The following MALT1 variants were observed in gnomAD, a reference collection of about 807,000 sequenced individuals.
MALT1 encodes mucosa-associated lymphoid tissue lymphoma translocation protein 1.
A neutral mutation model predicts 85.5 loss-of-function variants in MALT1; 36 were observed. That is an observed-to-expected ratio of 0.42 (90% CI 0.32 to 0.56). The LOEUF is 0.56. Ranked by LOEUF, MALT1 falls within the 20% of genes least tolerant of loss-of-function variation. The pLI, the probability that MALT1 is intolerant of heterozygous loss-of-function variation, is 0.10. For missense variants in MALT1, 716 were observed against 981.6 expected (o/e 0.73, Z 3.62); for synonymous variants, 359 against 361.3 (o/e 0.99, Z 0.07).
rs1377389415 is a variant in MALT1, at chr18:58,700,460, CAG to C, written c.521_522del (p.Glu174AlafsTer4). 1 of 1,602,274 alleles carries C rather than the reference CAG, an allele frequency of 6.2e-7. No homozygotes were observed. The highest frequency in any genetic ancestry group is 1.1e-5 in the South Asian group (1 of 88,148). ...TCACAGATTCCAAATGGAAATACAT[CAG>C]AGCTTATTTTTAATGCAGTGCATGT... On this transcript the variant is annotated frameshift_variant, in exon 4 of 17. Coordinates refer to ENST00000649217, the MANE Select transcript of MALT1 (RefSeq NM_006785.4). LOFTEE classifies it high-confidence loss of function.
rs1237955617 is a variant in MALT1 at position 58,701,109 on chromosome 18, C to T, written c.649+518C>T. Among the ~76,000 whole-genome samples the T allele has an allele frequency of 2.7e-5, 4 of 150,734 alleles. No homozygotes were observed. The East Asian group carries it at 7.9e-4, about 30-fold the overall frequency. On this transcript the variant is annotated intron_variant, in intron 4 of 16. Transcript: ENST00000649217. ...TGCCCGGCCTGCTTTAATTGTCCTTCTGTGTGTGTGCGCGCACGTTCACAC... is the reference window on the plus strand; with the variant it reads ...TGCCCGGCCTGCTTTAATTGTCCTTTTGTGTGTGTGCGCGCACGTTCACAC...
chr18:58,732,290 G>A (rs1177150762), intron 10 of MALT1, among the ~76,000 whole-genome samples: 1 of 152,132 alleles, frequency 6.6e-6, no homozygotes, highest in Non-Finnish European at 1.5e-5. Context: ...AGTTCAGACT[G>A]ATATTTTTGT....
At chr18:58,677,444 C>T (rs2054257886) in intron 1 of MALT1, 2 of 152,124 alleles carry the variant, frequency 1.3e-5, no homozygotes, top group South Asian at 2.1e-4. Context: ...TACAGCATCC[C>T]TATTTTTACA....
intron 1 of MALT1, among the ~76,000 whole-genome samples, chr18:58,674,622 A>T (rs956805557): frequency 6.6e-6 from 1 of 152,176 alleles, no homozygotes; most frequent in African/African-American, 2.4e-5. Flanking sequence ...TCAGCTGGGG[A>T]TGCTTACTCT....
chr18:58,744,591 AAT>A (rs914998742), intron 15 of MALT1, 96 bp downstream of exon 15: 7 of 535,974 alleles, frequency 1.3e-5, no homozygotes, highest in African/African-American at 1.2e-4. Context: ...ATATAAAGGA[AAT>A]ATATATATTT....
At chr18:58,735,084 TA>T in intron 12 of MALT1, 117 bp from the exon 13 acceptor site, 1 of 829,754 alleles carries the variant, frequency 1.2e-6, no homozygotes. Context: ...CAGCCTCTGG[TA>T]ACCACCATTC....
At chr18:58,702,977 T>G (rs1335329398) in intron 4 of MALT1, among the ~76,000 whole-genome samples, 1 of 152,198 alleles carries the variant, frequency 6.6e-6, no homozygotes, top group Non-Finnish European at 1.5e-5. Context: ...GGAAAACACT[T>G]TTTGTTAAAA....
intron 7 of MALT1, among the ~76,000 whole-genome samples, chr18:58,712,526 T>C (rs1236685515): frequency 6.6e-6 from 1 of 152,116 alleles, no homozygotes; most frequent in East Asian, 1.9e-4. Context: ...AGAGAGTAGA[T>C]TGAGACTGGC....
chr18:58,675,396 G>A (rs980775225), intron 1 of MALT1: 13 of 152,130 alleles, frequency 8.5e-5, no homozygotes, highest in African/African-American at 3.1e-4. Context: ...CGTGTAAAAG[G>A]CTCTAACAGA....
At chr18:58,715,802 T>C in intron 8 of MALT1, 133 bp from the exon 9 acceptor site, 1 of 693,754 alleles carries the variant, frequency 1.4e-6, no homozygotes, top group East Asian at 2.7e-5. Context: ...TCAAGAGTGT[T>C]TTTATTAAAA....
rs1297362047 is a variant in MALT1 at position 58,752,967 on chromosome 18, G to A, written c.*5125G>A. The stretch of plus-strand genomic sequence containing the variant: ...TCAGGTTTCAGCCCTTACTAATAGC[G>A]TGGCTCAAAGAGCGTTAACTTGCCT... On this transcript the variant is annotated 3_prime_UTR_variant, in exon 17 of 17. Coordinates refer to ENST00000649217, the MANE Select transcript of MALT1 (RefSeq NM_006785.4). The A allele has an allele frequency of 2.0e-5, 3 of 152,052 alleles. No homozygotes were observed. The highest frequency in any genetic ancestry group is 3.8e-4 in the East Asian group (2 of 5,200). 9.4% of individuals were successfully genotyped at this position (152,052 alleles called of 1,614,324 possible).
chr18:58,731,443 C>T (rs900497746), intron 10 of MALT1, among the ~76,000 whole-genome samples: 1 of 152,142 alleles, frequency 6.6e-6, no homozygotes, highest in African/African-American at 2.4e-5. Context: ...CTGTGCACTC[C>T]TTTTTAAAAT....
At chr18:58,731,873 C>T (rs1283801923) in intron 10 of MALT1, among the ~76,000 whole-genome samples, 1 of 152,146 alleles carries the variant, frequency 6.6e-6, no homozygotes. Flanking sequence ...TCAGTGCCTA[C>T]ATGATAACTT....
intron 4 of MALT1, 43 bp downstream of exon 4, chr18:58,700,634 A>ATATTT (rs745504777): frequency 2.0e-5 from 30 of 1,509,098 alleles, no homozygotes; most frequent in South Asian, 2.7e-5. Flanking sequence ...GGGATTCCCC[A>ATATTT]TATTTTATTT....
At chr18:58,697,379 GAC>G (rs2054605334) in intron 3 of MALT1, 1 of 152,188 alleles carries the variant, frequency 6.6e-6, no homozygotes, top group Non-Finnish European at 1.5e-5. Context: ...ACAGAGGTAA[GAC>G]AGAGCAACTG....
chr18:58,723,358 G>T (rs941842990), intron 10 of MALT1, 107 bp downstream of exon 10: 4 of 705,284 alleles, frequency 5.7e-6, no homozygotes, highest in African/African-American at 1.8e-5. Flanking sequence ...ACATGTTGTT[G>T]AATGGAAGAG....
intron 1 of MALT1, among the ~76,000 whole-genome samples, chr18:58,678,411 A>G (rs2054272141): frequency 6.6e-6 from 1 of 152,216 alleles, no homozygotes; most frequent in African/African-American, 2.4e-5. Flanking sequence ...TGCATAATTA[A>G]TATGGACAAG....
Position 58,749,420 on chromosome 18 carries a change from G to T in MALT1, c.*1578G>T, listed in dbSNP as rs529141899. 2 of 215,152 alleles carry T rather than the reference G, an allele frequency of 9.3e-6. No homozygotes were observed. The highest frequency in any genetic ancestry group is 1.2e-4 in the Admixed American group (2 of 17,144). 13.3% of individuals were successfully genotyped at this position (215,152 alleles called of 1,614,324 possible). ...ATTCAAACCCCATCCAGCTGGCCCC[G>T]GAGCCAGAGCTTCTTGTACTACACA... On this transcript the variant is annotated 3_prime_UTR_variant, in exon 17 of 17. Coordinates refer to ENST00000649217, the MANE Select transcript of MALT1 (RefSeq NM_006785.4).
At chr18:58,744,566 T>TA (rs2055342301) in intron 15 of MALT1, 71 bp downstream of exon 15, 1 of 832,084 alleles carries the variant, frequency 1.2e-6, no homozygotes, top group Non-Finnish European at 1.8e-6. Context: ...TTTTAAAACT[T>TA]AAAGTTGATG....
Sources: allele counts gnomAD v4.1 joint callset (sites outside exome capture counted in the v4.1 genomes callset), GRCh38; gene constraint gnomAD v4.1.1; transcripts MANE v1.5; gene names NCBI Gene and HGNC (gene_info 2026-07-23, HGNC 2026-07-21).